Variants in PTPRD observed in about 807,000 individuals in gnomAD.
PTPRD encodes receptor-type tyrosine-protein phosphatase delta.
A neutral mutation model predicts 214.5 loss-of-function variants in PTPRD; 34 were observed. The ratio of observed to expected loss-of-function variants is 0.16; its 90% confidence interval spans 0.12 to 0.21. The LOEUF (loss-of-function observed/expected upper bound fraction) is 0.21, where lower values mean the gene tolerates loss of function less well. PTPRD is among the 10% of genes least tolerant of loss of function. PTPRD has a pLI of 1.00. For missense variants in PTPRD, 2,545 were observed against 2,398.7 expected, an observed-to-expected ratio of 1.06 and a Z score of -1.27; for synonymous variants, 1,128 against 845.7, an observed-to-expected ratio of 1.33 and a Z score of -5.79.
chr9:8,792,161 T>C (rs925836169), intron 11 of PTPRD, among the ~76,000 whole-genome samples: 8 of 152,042 alleles, frequency 5.3e-5, no homozygotes, highest in African/African-American at 1.9e-4. Flanking sequence ...GAGGGGATAA[T>C]GCATTTGGCC....
chr9:9,684,275 A>T (rs549934675), intron 7 of PTPRD, among the ~76,000 whole-genome samples: 1 of 151,858 alleles, frequency 6.6e-6, no homozygotes, highest in Admixed American at 6.6e-5. Flanking sequence ...CTTATTCAAC[A>T]TACCTTTCTG....
In PTPRD at chr9:8,599,786, T is replaced by C. The variant is rs894755044; in HGVS notation, c.352+33531A>G. The stretch of plus-strand genomic sequence containing the variant: ...GCGTGCGCCACCACGCCTGGATAAT[T>C]TTGTACTTTTAGTAGAGACGGGGCT... On this transcript the variant is annotated intron_variant, in intron 14 of 45. Coordinates refer to ENST00000381196, the MANE Select transcript of PTPRD (RefSeq NM_002839.4). 1.6e-4 allele frequency among the ~76,000 whole-genome samples: 24 copies of C among 151,872 alleles called. 1 individual carries two copies. The highest frequency in any genetic ancestry group is 5.8e-4 in the African/African-American group (24 of 41,336).
chr9:10,023,158 G>A (rs555386675), intron 4 of PTPRD, among the ~76,000 whole-genome samples: 2 of 152,068 alleles, frequency 1.3e-5, no homozygotes, highest in South Asian at 2.1e-4. Context: ...CATTAAATAT[G>A]TTTCTATGTA....
intron 2 of PTPRD, among the ~76,000 whole-genome samples, chr9:10,483,975 G>C (rs572469568): frequency 6.6e-6 from 1 of 152,156 alleles, no homozygotes; most frequent in Non-Finnish European, 1.5e-5. Flanking sequence ...ATTCAAACAT[G>C]TATATCGCAG....
chr9:8,527,395 T>A, intron 15 of PTPRD, 42 bp from the exon 16 acceptor site: 1 of 1,573,648 alleles, frequency 6.4e-7, no homozygotes, highest in Non-Finnish European at 8.7e-7. Flanking sequence ...AGCATAAAAA[T>A]ATTATTATAT....
chr9:10,376,883 T>C (rs1034106410), intron 2 of PTPRD, among the ~76,000 whole-genome samples: 1 of 152,014 alleles, frequency 6.6e-6, no homozygotes, highest in Non-Finnish European at 1.5e-5. Context: ...CCTTCAAGCA[T>C]TTATCCTTTG....
At chr9:9,209,713 A>G (rs1339112819) in intron 9 of PTPRD, among the ~76,000 whole-genome samples, 1 of 152,220 alleles carries the variant, frequency 6.6e-6, no homozygotes, top group East Asian at 1.9e-4. Context: ...GAAAGAATTC[A>G]TTATACTATT....
intron 2 of PTPRD, among the ~76,000 whole-genome samples, chr9:10,444,158 A>G (rs987601026): frequency 2.0e-5 from 3 of 151,790 alleles, no homozygotes; most frequent in African/African-American, 7.2e-5. Context: ...AAAAGCCATC[A>G]GCTTATGTTA....
At chr9:9,199,165 G>T (rs10121946) in intron 9 of PTPRD, among the ~76,000 whole-genome samples, 1 of 152,074 alleles carries the variant, frequency 6.6e-6, no homozygotes, top group African/African-American at 2.4e-5. Context: ...AAAGAGGAGA[G>T]AATGACTAGT....
chr9:9,502,207 G>A (rs1385794483), intron 8 of PTPRD, among the ~76,000 whole-genome samples: 1 of 151,814 alleles, frequency 6.6e-6, no homozygotes, highest in Non-Finnish European at 1.5e-5. Context: ...CTGTACGTTA[G>A]ATCTCTAGGA....
chr9:9,214,504 C>G (rs1318977959), intron 9 of PTPRD, among the ~76,000 whole-genome samples: 1 of 145,806 alleles, frequency 6.9e-6, no homozygotes, highest in East Asian at 2.0e-4. Flanking sequence ...TTTTTAACTT[C>G]TACTACAAAG....
At chr9:10,127,722 A>C (rs191574897) in intron 3 of PTPRD, among the ~76,000 whole-genome samples, 1 of 152,168 alleles carries the variant, frequency 6.6e-6, no homozygotes, top group Admixed American at 6.6e-5. Flanking sequence ...CCATTTTCCC[A>C]CTTGTGCCAC....
chr9:9,385,532 T>C (rs1038522268), intron 9 of PTPRD, among the ~76,000 whole-genome samples: 4 of 152,138 alleles, frequency 2.6e-5, no homozygotes, highest in African/African-American at 7.2e-5. Flanking sequence ...GTGTGTGAAA[T>C]AAAGTTACCA....
intron 8 of PTPRD, among the ~76,000 whole-genome samples, chr9:9,455,828 A>G (rs2092911655): frequency 6.6e-6 from 1 of 151,852 alleles, no homozygotes; most frequent in Non-Finnish European, 1.5e-5. Context: ...TTCAAACAGA[A>G]TAAGCAAACA....
At chr9:9,689,099 G>A (rs2097216642) in intron 7 of PTPRD, among the ~76,000 whole-genome samples, 1 of 151,870 alleles carries the variant, frequency 6.6e-6, no homozygotes, top group African/African-American at 2.4e-5. Context: ...GAATGTGAGT[G>A]TTTTTATCCT....
At chr9:8,356,073 G>T (rs747322372) in intron 39 of PTPRD, among the ~76,000 whole-genome samples, 2 of 152,096 alleles carry the variant, frequency 1.3e-5, no homozygotes, top group Non-Finnish European at 2.9e-5. Context: ...AGGAGAGACC[G>T]CAAAGGGCTG....
intron 3 of PTPRD, among the ~76,000 whole-genome samples, chr9:10,211,080 T>C (rs1479145970): frequency 6.6e-6 from 1 of 151,820 alleles, no homozygotes; most frequent in Non-Finnish European, 1.5e-5. Context: ...CCTTAATATT[T>C]AATATATCTT....
chr9:10,010,685 A>C (rs2154105284), intron 4 of PTPRD, among the ~76,000 whole-genome samples: 1 of 152,050 alleles, frequency 6.6e-6, no homozygotes, highest in South Asian at 2.1e-4. Context: ...AAATGCACAT[A>C]AATAGAGATA....
At chr9:10,205,910 C>T (rs1431779554) in intron 3 of PTPRD, among the ~76,000 whole-genome samples, 2 of 151,598 alleles carry the variant, frequency 1.3e-5, no homozygotes, top group Non-Finnish European at 2.9e-5. Flanking sequence ...ATGGCATGTG[C>T]CTTTTCTATC....
Sources: gnomAD v4.1 joint callset for allele counts (sites outside exome capture counted in the v4.1 genomes callset) on GRCh38, gnomAD v4.1.1 for gene constraint, MANE v1.5 for transcripts, NCBI Gene and HGNC (gene_info 2026-07-23, HGNC 2026-07-21) for gene names.